The following DCC variants were observed in gnomAD, a reference collection of about 807,000 sequenced individuals.
The protein encoded by DCC is DCC netrin 1 receptor, also known as netrin receptor DCC.
In DCC, 58 loss-of-function variants were observed where a neutral mutation model predicts 172.5. The ratio of observed to expected loss-of-function variants is 0.34; its 90% confidence interval spans 0.27 to 0.42. DCC has a LOEUF of 0.42. Among genes scored for constraint, DCC ranks in the 10% least tolerant of loss-of-function variants. The pLI, the probability that DCC is intolerant of heterozygous loss-of-function variation, is 1.00. For synonymous variants in DCC, 709 were observed against 644.5 expected, an observed-to-expected ratio of 1.10 and a Z score of -1.52; for missense variants, 1,740 against 1,791.0, an observed-to-expected ratio of 0.97 and a Z score of 0.51.
At chr18:52,973,495 C>T (rs932371058) in intron 5 of DCC, among the ~76,000 whole-genome samples, 3 of 152,166 alleles carry the variant, frequency 2.0e-5, no homozygotes, top group Non-Finnish European at 2.9e-5. Context: ...TTTCTGCTCC[C>T]TAAGTAAAAT....
At chr18:53,022,991 GT>G (rs1179983687) in intron 5 of DCC, among the ~76,000 whole-genome samples, 1 of 151,988 alleles carries the variant, frequency 6.6e-6, no homozygotes, top group Non-Finnish European at 1.5e-5. Context: ...ACACAAATAG[GT>G]TAACGCTATA....
At chr18:53,060,584 C>G (rs2042479938) in intron 5 of DCC, among the ~76,000 whole-genome samples, 1 of 152,242 alleles carries the variant, frequency 6.6e-6, no homozygotes, top group African/African-American at 2.4e-5. Flanking sequence ...ATTGTTGAGG[C>G]ATCCCTGTGG....
intron 1 of DCC, among the ~76,000 whole-genome samples, chr18:52,566,052 A>G (rs1001666885): frequency 2.0e-5 from 3 of 152,158 alleles, no homozygotes; most frequent in Admixed American, 6.6e-5. Context: ...AGTTTTCTGC[A>G]TATGGCTAGC....
intron 7 of DCC, among the ~76,000 whole-genome samples, chr18:53,155,744 A>G (rs1331269088): frequency 6.6e-6 from 1 of 152,254 alleles, no homozygotes; most frequent in African/African-American, 2.4e-5. Flanking sequence ...GTTTCCAAAC[A>G]GGCTGGGAGA....
intron 27 of DCC, among the ~76,000 whole-genome samples, chr18:53,515,190 G>A (rs1279564217): frequency 2.6e-5 from 4 of 151,982 alleles, no homozygotes; most frequent in African/African-American, 9.7e-5. Context: ...CAGAGCCAAT[G>A]ACAAAAACCA....
Position 53,076,694 on chromosome 18 carries a change from T to C in DCC, c.1261+10528T>C, listed in dbSNP as rs148261596. Among the ~76,000 whole-genome samples, 22 of 152,276 alleles carry C rather than the reference T, an allele frequency of 1.4e-4. 1 individual carries two copies. The East Asian group carries it at 3.1e-3, about 21-fold the overall frequency. Reference sequence around the variant, plus strand: ...CCTGAGAATAGGAAAAGCAACCCATTTCCAGAATATGTGTTTATTTCAGTC... The same window carrying C: ...CCTGAGAATAGGAAAAGCAACCCATCTCCAGAATATGTGTTTATTTCAGTC... On this transcript the variant is annotated intron_variant, in intron 7 of 28. Coordinates refer to ENST00000442544, the MANE Select transcript of DCC (RefSeq NM_005215.4).
At chr18:53,394,783 T>C (rs1908809602) in intron 17 of DCC, among the ~76,000 whole-genome samples, 1 of 152,178 alleles carries the variant, frequency 6.6e-6, no homozygotes, top group South Asian at 2.1e-4. Flanking sequence ...TTACTTGTCT[T>C]AGTTTGCACT....
At chr18:53,277,941 T>C (rs73463054) in intron 12 of DCC, among the ~76,000 whole-genome samples, 7,661 of 152,210 alleles carry the variant, frequency 0.05, 579 homozygotes, top group African/African-American at 0.17. Context: ...GCTGAAATGA[T>C]TTTGCTGTTA....
chr18:52,811,863 T>C lies in DCC; in HGVS notation c.412+59489T>C, dbSNP rs376985288. Among the ~76,000 whole-genome samples the C allele has an allele frequency of 2.6e-5, 4 of 152,182 alleles. No homozygotes were observed. In the East Asian group the frequency reaches 5.8e-4, roughly 22 times the overall value. On this transcript the variant is annotated intron_variant, in intron 2 of 28. Transcript: ENST00000442544. ...GTATCAAATAAAGACATTTGGTAAA[T>C]CTGAGGAAAGAATGAAATCCAGCCC...
intron 7 of DCC, among the ~76,000 whole-genome samples, chr18:53,138,977 C>T (rs750397007): frequency 6.6e-6 from 1 of 152,184 alleles, no homozygotes; most frequent in African/African-American, 2.4e-5. Context: ...TTTGTACGTA[C>T]TATATACACT....
At chr18:52,924,307 GTTA>G (rs1052066713) in intron 4 of DCC, among the ~76,000 whole-genome samples, 10 of 152,072 alleles carry the variant, frequency 6.6e-5, no homozygotes, top group African/African-American at 2.4e-4. Context: ...AGTCTACACT[GTTA>G]TTATATGCAA....
chr18:53,143,084 A>G (rs1354168945), intron 7 of DCC, among the ~76,000 whole-genome samples: 2 of 152,210 alleles, frequency 1.3e-5, no homozygotes, highest in African/African-American at 4.8e-5. Flanking sequence ...ACTGAGGATA[A>G]TAACTTTTAC....
At chr18:52,774,935 T>C (rs1453596060) in intron 2 of DCC, among the ~76,000 whole-genome samples, 1 of 152,134 alleles carries the variant, frequency 6.6e-6, no homozygotes. Flanking sequence ...GTAAAGAAAG[T>C]GATAAGAGCC....
chr18:52,484,868 A>G (rs1414715492), intron 1 of DCC, among the ~76,000 whole-genome samples: 1 of 151,822 alleles, frequency 6.6e-6, no homozygotes, highest in Non-Finnish European at 1.5e-5. Context: ...CTCCAGTCAC[A>G]GAAGGACACT....
chr18:53,351,348 T>TAC (rs1317403637), intron 15 of DCC, among the ~76,000 whole-genome samples: 1 of 54,698 alleles, frequency 1.8e-5, no homozygotes, highest in Non-Finnish European at 5.2e-5. Flanking sequence ...TATATATATA[T>TAC]ACACAGTATA....
intron 2 of DCC, among the ~76,000 whole-genome samples, chr18:52,762,262 C>G (rs1291584514): frequency 6.6e-6 from 1 of 151,578 alleles, no homozygotes; most frequent in African/African-American, 2.4e-5. Context: ...TGCTTGAGCC[C>G]AGGAATTCAA....
chr18:53,511,092 A>T (rs968703763), intron 27 of DCC, among the ~76,000 whole-genome samples: 1 of 152,212 alleles, frequency 6.6e-6, no homozygotes, highest in African/African-American at 2.4e-5. Context: ...TAAAAGTTCT[A>T]TTTTAAAGAA....
chr18:53,234,391 G>A (rs529638770), intron 12 of DCC, among the ~76,000 whole-genome samples: 8 of 152,026 alleles, frequency 5.3e-5, no homozygotes, highest in Non-Finnish European at 8.8e-5. Context: ...TCACACCACT[G>A]CACTCCAGCC....
rs776825978 is a variant in DCC at position 52,831,974 on chromosome 18, T to A, written c.413-74070T>A. ...AAATGAAATGATTTAAAAAGAATTT[T>A]TAAAAATCCCTTAAACACCTCAGAA... On this transcript the variant is annotated intron_variant, in intron 2 of 28. Transcript: ENST00000442544. Among the ~76,000 whole-genome samples the A allele has an allele frequency of 1.3e-5, 2 of 152,124 alleles. 1 individual carries two copies. The highest frequency in any genetic ancestry group is 4.1e-4 in the South Asian group (2 of 4,832).
Sources: gnomAD v4.1 joint callset for allele counts (sites outside exome capture counted in the v4.1 genomes callset) on GRCh38, gnomAD v4.1.1 for gene constraint, MANE v1.5 for transcripts, NCBI Gene and HGNC (gene_info 2026-07-23, HGNC 2026-07-21) for gene names.